The following PLEKHA7 variants were observed in gnomAD, a reference collection of about 807,000 sequenced individuals.
PLEKHA7 encodes the protein pleckstrin homology domain-containing family A member 7.
Under a neutral mutation model 170.0 loss-of-function variants are expected in PLEKHA7, and 104 were observed. The observed-to-expected ratio is 0.61, with a 90% CI of 0.52 to 0.72. PLEKHA7 has a LOEUF of 0.72. Among genes scored for constraint, PLEKHA7 ranks in the 30% least tolerant of loss-of-function variants. The probability of loss-of-function intolerance (pLI) is 0.00; values close to 1 mark genes in which losing one functional copy is unlikely to be tolerated. For synonymous variants in PLEKHA7, 648 were observed against 660.8 expected (o/e 0.98, Z 0.30); for missense variants, 1,615 against 1,671.7 (o/e 0.97, Z 0.59).
intron 9 of PLEKHA7, among the ~76,000 whole-genome samples, chr11:16,829,224 A>C (rs1459853984): frequency 6.6e-6 from 1 of 151,480 alleles, no homozygotes; most frequent in Non-Finnish European, 1.5e-5. Context: ...TATGTTGCCC[A>C]GGCTGGTCTC....
At chr11:16,792,197 T>C (rs1207269519) in intron 19 of PLEKHA7, among the ~76,000 whole-genome samples, 2 of 152,210 alleles carry the variant, frequency 1.3e-5, no homozygotes, top group Non-Finnish European at 2.9e-5. Context: ...CACCAATTTC[T>C]AAAAAGCTCC....
intron 6 of PLEKHA7, 83 bp downstream of exon 6, chr11:16,854,806 T>C: frequency 8.3e-7 from 1 of 1,210,022 alleles, no homozygotes; most frequent in Non-Finnish European, 1.2e-6. Context: ...TATGTGCCCA[T>C]CCCTAGCTTC....
intron 17 of PLEKHA7, 97 bp downstream of exon 17, chr11:16,800,877 C>T: frequency 1.0e-6 from 1 of 1,002,204 alleles, no homozygotes. Context: ...GGACTCTGAG[C>T]AGTGCTCACA....
intron 6 of PLEKHA7, among the ~76,000 whole-genome samples, chr11:16,854,074 A>G (rs1853217305): frequency 6.6e-6 from 1 of 152,216 alleles, no homozygotes; most frequent in Non-Finnish European, 1.5e-5. Flanking sequence ...GAACCACGTT[A>G]CTTTCTCTTG....
At chr11:16,871,293 G>A in intron 3 of PLEKHA7, 111 bp from the exon 4 acceptor site, 1 of 799,094 alleles carries the variant, frequency 1.3e-6, no homozygotes. Context: ...ATTTCACAGG[G>A]GGAGAAATGT....
intron 11 of PLEKHA7, 149 bp from the exon 12 acceptor site, chr11:16,816,413 T>G: frequency 3.1e-6 from 2 of 647,846 alleles, no homozygotes; most frequent in Non-Finnish European, 2.7e-6. Flanking sequence ...GTTAGAACAC[T>G]AAACTGTGAA....
chr11:16,863,860 G>T (rs1854176230), intron 4 of PLEKHA7, among the ~76,000 whole-genome samples: 1 of 84,698 alleles, frequency 1.2e-5, no homozygotes, highest in Non-Finnish European at 3.3e-5. Flanking sequence ...TGAGAATCAG[G>T]AAAGAGGCTT....
chr11:17,006,786 G>A (rs1257247760), intron 3 of PLEKHA7, among the ~76,000 whole-genome samples: 1 of 152,166 alleles, frequency 6.6e-6, no homozygotes, highest in African/African-American at 2.4e-5. Context: ...ACTGTCGGTT[G>A]GGTGAGGTCA....
chr11:16,916,783 C>A (rs1376763234), intron 3 of PLEKHA7, among the ~76,000 whole-genome samples: 4 of 152,160 alleles, frequency 2.6e-5, no homozygotes, highest in Non-Finnish European at 5.9e-5. Flanking sequence ...GACATTGATG[C>A]TCTTTTTTTC....
chr11:16,875,273 A>T (rs1191793324), intron 3 of PLEKHA7, among the ~76,000 whole-genome samples: 1 of 152,192 alleles, frequency 6.6e-6, no homozygotes, highest in Non-Finnish European at 1.5e-5. Flanking sequence ...CAATGATGTA[A>T]GCAGGGCAGA....
At position 16,782,758 on chromosome 11, in the gene PLEKHA7, C is replaced by G; in HGVS notation, c.3789G>C (p.Val1263=). The G allele has an allele frequency of 1.3e-6, 2 of 1,536,038 alleles. No individual in the cohort carries two copies. The highest frequency in any genetic ancestry group is 1.7e-6 in the Non-Finnish European group (2 of 1,146,876). ...GGGGCTGGGCCATGGCCTTACCTGCCACCTGCTTGCTACGCTGGGAGGCCT... is the reference window on the plus strand; with the variant it reads ...GGGGCTGGGCCATGGCCTTACCTGCGACCTGCTTGCTACGCTGGGAGGCCT... The part of the protein sequence containing the change: ...ASEASQRSKQ[V]AAQAVTDP The change falls in exon 26 of 27, where the codon GTG becomes GTC. Residue 1263 remains valine, a synonymous_variant. Transcript: ENST00000531066.
At chr11:16,793,181 G>A (rs988946895) in intron 19 of PLEKHA7, among the ~76,000 whole-genome samples, 5 of 152,182 alleles carry the variant, frequency 3.3e-5, no homozygotes, top group Non-Finnish European at 7.3e-5. Context: ...AATCAGTCCC[G>A]GAATCTGGGT....
chr11:16,842,614 A>AAAAC (rs1852060251), intron 8 of PLEKHA7: 2 of 150,930 alleles, frequency 1.3e-5, no homozygotes. Context: ...AAAAAAAAAA[A>AAAAC]TCTCAAAAAA....
chr11:16,840,680 A>C (rs911267486), intron 9 of PLEKHA7, among the ~76,000 whole-genome samples: 1 of 152,326 alleles, frequency 6.6e-6, no homozygotes, highest in East Asian at 1.9e-4. Flanking sequence ...CTGAAGTGCT[A>C]TGGGAGCTCC....
intron 3 of PLEKHA7, among the ~76,000 whole-genome samples, chr11:16,963,756 A>G (rs1862205463): frequency 6.6e-6 from 1 of 152,196 alleles, no homozygotes; most frequent in Non-Finnish European, 1.5e-5. Flanking sequence ...GGACAGGGAC[A>G]CCCTGGCATC....
At chr11:16,935,541 T>G (rs1307892086) in intron 3 of PLEKHA7, among the ~76,000 whole-genome samples, 1 of 152,200 alleles carries the variant, frequency 6.6e-6, no homozygotes, top group African/African-American at 2.4e-5. Flanking sequence ...AAATATGAAA[T>G]AGCCAGCAGT....
intron 23 of PLEKHA7, chr11:16,786,871 C>A (rs1849434179): frequency 1.0e-6 from 1 of 985,376 alleles, no homozygotes; most frequent in Non-Finnish European, 1.2e-6. Context: ...AGATAACATT[C>A]GTAGGTGGGG....
At chr11:16,845,425 G>A (rs1454504411) in intron 8 of PLEKHA7, among the ~76,000 whole-genome samples, 1 of 152,164 alleles carries the variant, frequency 6.6e-6, no homozygotes, top group East Asian at 1.9e-4. Context: ...GGAGTGCAGT[G>A]GTACTGTCTT....
At chr11:16,860,520 G>A (rs573083588) in intron 4 of PLEKHA7, among the ~76,000 whole-genome samples, 52 of 152,120 alleles carry the variant, frequency 3.4e-4, no homozygotes, top group Non-Finnish European at 6.8e-4. Flanking sequence ...AGCAAGCAGA[G>A]GGATTAGGCT....
Sources: allele counts gnomAD v4.1 joint callset (sites outside exome capture counted in the v4.1 genomes callset), GRCh38; gene constraint gnomAD v4.1.1; transcripts MANE v1.5; gene names NCBI Gene and HGNC (gene_info 2026-07-23, HGNC 2026-07-21).